HCFC2: variants seen among roughly 807,000 people sequenced by gnomAD.
The protein encoded by HCFC2 is host cell factor 2.
In HCFC2, 18 loss-of-function variants were observed where a neutral mutation model predicts 89.2. The ratio of observed to expected loss-of-function variants is 0.20; its 90% confidence interval spans 0.14 to 0.30. The LOEUF is 0.30. Ranked by LOEUF, HCFC2 falls within the 10% of genes least tolerant of loss-of-function variation. The pLI is 1.00. For synonymous variants in HCFC2, 308 were observed against 335.7 expected, an observed-to-expected ratio of 0.92 and a Z score of 0.90; for missense variants, 578 against 956.1, an observed-to-expected ratio of 0.60 and a Z score of 5.21.
rs900334880 is a variant in HCFC2 at position 104,089,460 on chromosome 12, G to A, written c.1284+1422G>A. Reference sequence around the variant, plus strand: ...GAACCCAAGAGACGGAGCTTGTAGTGAGCCGAGATTGTGCCACTGCACTCC... The same window carrying A: ...GAACCCAAGAGACGGAGCTTGTAGTAAGCCGAGATTGTGCCACTGCACTCC... On this transcript the variant is annotated intron_variant, in intron 9 of 14. Coordinates refer to ENST00000229330, the MANE Select transcript of HCFC2 (RefSeq NM_013320.3). Among the ~76,000 whole-genome samples, 99 of 152,182 alleles carry A rather than the reference G, an allele frequency of 6.5e-4. 1 individual carries two copies. The highest frequency in any genetic ancestry group is 2.3e-3 in the African/African-American group (95 of 41,444).
At chr12:104,075,146 G>A (rs1309432069) in intron 3 of HCFC2, among the ~76,000 whole-genome samples, 5 of 151,522 alleles carry the variant, frequency 3.3e-5, no homozygotes, top group African/African-American at 1.2e-4. Flanking sequence ...TCTGAACCCA[G>A]GAGTTTAAAT....
intron 8 of HCFC2, among the ~76,000 whole-genome samples, chr12:104,087,352 TAAAAA>T (rs67436445): frequency 7.7e-6 from 1 of 129,078 alleles, no homozygotes; most frequent in Non-Finnish European, 1.6e-5. Flanking sequence ...GACTCTGTCT[TAAAAA>T]AAAAAAAAAA....
intron 12 of HCFC2, chr12:104,097,666 CATTT>C: frequency 2.0e-6 from 2 of 980,670 alleles, no homozygotes; most frequent in Non-Finnish European, 2.4e-6. Context: ...AACAGTGTCT[CATTT>C]ATAAGAAGAT....
rs757618662 is a variant in HCFC2, at chr12:104,103,307, A to T, written c.*34A>T. ...TTTTACTGAAGCTATTGTGATGATGATTATTTATTAGTAACTGGTTATGAA... is the reference window on the plus strand; with the variant it reads ...TTTTACTGAAGCTATTGTGATGATGTTTATTTATTAGTAACTGGTTATGAA... On this transcript the variant is annotated 3_prime_UTR_variant, in exon 15 of 15. Transcript: ENST00000229330. 2.7e-6 allele frequency: 4 copies of T among 1,501,984 alleles called. No homozygotes were observed. The South Asian group carries it at 3.6e-5, about 14-fold the overall frequency. The allele number at this position is 1,501,984 out of a possible 1,614,324, so 93.0% of individuals were successfully genotyped here.
At position 104,093,452 on chromosome 12, in the gene HCFC2, A is replaced by C. The variant is rs767727994; in HGVS notation, c.1351A>C (p.Lys451Gln). Residue 451 changes from lysine (K) to glutamine (Q), a missense_variant, in exon 10 of 15, where the codon AAA becomes CAA. Lys to Gln is a moderately conservative substitution (Grantham distance 53). Transcript: ENST00000229330. ...CACAAAAGAAACTTCAATGAAAAAC[A>C]AACCAGACTTTAAAGCACTGACGGA... The part of the protein sequence containing the change: ...PATKETSMKN[K>Q]PDFKALTDSN... 6 of 1,613,424 alleles carry C rather than the reference A, an allele frequency of 3.7e-6. No individual in the cohort carries two copies. Among genetic ancestry groups the C allele is most frequent in the Non-Finnish European group, 1.7e-6 (2 of 1,179,674 alleles).
chr12:104,079,699 A>T, intron 4 of HCFC2, 46 bp downstream of exon 4: 1 of 1,415,704 alleles, frequency 7.1e-7, no homozygotes, highest in Non-Finnish European at 9.9e-7. Context: ...AAATTAAAAA[A>T]TGCTTTGAAA....
At chr12:104,087,764 G>A (rs2136617194) in intron 8 of HCFC2, among the ~76,000 whole-genome samples, 1 of 152,070 alleles carries the variant, frequency 6.6e-6, no homozygotes, top group South Asian at 2.1e-4. Context: ...TTTTTCAAAA[G>A]TATTTTTAAC....
At chr12:104,096,949 A>C (rs546806611) in intron 12 of HCFC2, among the ~76,000 whole-genome samples, 5 of 152,258 alleles carry the variant, frequency 3.3e-5, no homozygotes, top group African/African-American at 9.6e-5. Flanking sequence ...ATATTGCAAT[A>C]GTGGATTGAC....
chr12:104,092,909 G>A (rs1884063088), intron 9 of HCFC2, among the ~76,000 whole-genome samples: 1 of 152,176 alleles, frequency 6.6e-6, no homozygotes, highest in Non-Finnish European at 1.5e-5. Context: ...ATAATGATAT[G>A]TATATGTATG....
At chr12:104,082,113 T>A (rs1883704808) in intron 5 of HCFC2, among the ~76,000 whole-genome samples, 1 of 152,190 alleles carries the variant, frequency 6.6e-6, no homozygotes, top group African/African-American at 2.4e-5. Flanking sequence ...TATATGAAAT[T>A]TAATCCTCTT....
chr12:104,066,264 T>G lies in HCFC2; in HGVS notation c.261T>G (p.Phe87Leu), dbSNP rs1449144616. The G allele has an allele frequency of 6.2e-7, 1 of 1,611,270 alleles. No homozygotes were observed. The highest frequency in any genetic ancestry group is 1.1e-5 in the South Asian group (1 of 90,574). Reference sequence around the variant, plus strand: ...GTGATGGTACCAGAATATTAGTATTTGGGGGAATGGTTGAATATGGAAGAT... The same window carrying G: ...GTGATGGTACCAGAATATTAGTATTGGGGGGAATGGTTGAATATGGAAGAT... ...FVCDGTRILV[F>L]GGMVEYGRYS... Residue 87 changes from phenylalanine to leucine, a missense_variant, in exon 2 of 15, where the codon TTT (phenylalanine) becomes TTG (leucine). Transcript: ENST00000229330.
At chr12:104,080,363 A>G (rs1883649144) in intron 4 of HCFC2, 1 of 162,720 alleles carries the variant, frequency 6.1e-6, no homozygotes, top group Non-Finnish European at 1.3e-5. Flanking sequence ...AGTCATCTCC[A>G]TTTGAGATTA....
rs753443170 is a variant in HCFC2 at position 104,096,456 on chromosome 12, A to T, written c.1740+23A>T. 9.1e-6 allele frequency: 14 copies of T among 1,534,208 alleles called. No individual in the cohort carries two copies. In the Admixed American group the frequency reaches 2.4e-4, roughly 26 times the overall value. On this transcript the variant is annotated intron_variant, in intron 12 of 14. Transcript: ENST00000229330. ...TCTGTAAGTACATGACCTGGTGATG[A>T]TGCATGTTTACACATGATTATGTAC...
intron 3 of HCFC2, among the ~76,000 whole-genome samples, chr12:104,076,896 C>T (rs1396347675): frequency 2.6e-5 from 4 of 152,216 alleles, no homozygotes. Context: ...CGTTGCCTTT[C>T]CTCCCTTTTC....
rs2030086450 is a variant in HCFC2 at position 104,106,427 on chromosome 12, C to A, written c.*3154C>A. The A allele has an allele frequency of 1.3e-5, 2 of 152,044 alleles. No individual in the cohort carries two copies. Among genetic ancestry groups the A allele is most frequent in the Non-Finnish European group, 2.9e-5 (2 of 67,988 alleles). The allele number at this position is 152,044 out of a possible 1,614,324, so 9.4% of individuals were successfully genotyped here. On this transcript the variant is annotated 3_prime_UTR_variant, in exon 15 of 15. Coordinates refer to ENST00000229330, the MANE Select transcript of HCFC2 (RefSeq NM_013320.3). ...TGGTCTTTGACCCTTTAAGGTGTAA[C>A]TGACTGACTGTTGTGTTTTTCAAGA...
In HCFC2 at chr12:104,105,958, C is replaced by T. The variant is rs1218276470; in HGVS notation, c.*2685C>T. The T allele has an allele frequency of 1.3e-5, 2 of 152,024 alleles. No homozygotes were observed. Among genetic ancestry groups the T allele is most frequent in the Non-Finnish European group, 2.9e-5 (2 of 67,940 alleles). The allele number at this position is 152,024 out of a possible 1,614,324, so 9.4% of individuals were successfully genotyped here. A position where few individuals can be genotyped will look rare whatever the true frequency, so the allele number is the denominator to read the frequency against. On this transcript the variant is annotated 3_prime_UTR_variant, in exon 15 of 15. Transcript: ENST00000229330. ...TTCTGTGTTCTGCAACTCTGGCTCT[C>T]ATAAGTAGTAAAAATATTTTTGATG...
chr12:104,080,779 G>A lies in HCFC2; in HGVS notation c.716G>A (p.Gly239Glu). ...TMSWSKPETK[G>E]TVPLPRSLHT... ...TCATGGTCAAAACCAGAAACTAAAGGGACAGTGCCACTTCCACGAAGCCTT... is the reference window on the plus strand; with the variant it reads ...TCATGGTCAAAACCAGAAACTAAAGAGACAGTGCCACTTCCACGAAGCCTT... The change falls in exon 5 of 15, where the codon GGG becomes GAG. Residue 239 changes from glycine to glutamate, a missense_variant. By Grantham distance (98) the Gly-to-Glu change is moderately conservative (BLOSUM62 -2). Around this residue, in one of 4 missense-constraint regions of HCFC2, gnomAD observed 206 missense variants for 419.2 expected, o/e 0.49. Coordinates refer to ENST00000229330, the MANE Select transcript of HCFC2 (RefSeq NM_013320.3). The A allele has an allele frequency of 6.2e-7, 1 of 1,609,124 alleles. No individual in the cohort carries two copies. The highest frequency in any genetic ancestry group is 8.5e-7 in the Non-Finnish European group (1 of 1,177,908).
chr12:104,100,841 G>C (rs1013962102), intron 13 of HCFC2, among the ~76,000 whole-genome samples: 2 of 152,086 alleles, frequency 1.3e-5, no homozygotes, highest in Admixed American at 1.3e-4. Context: ...ATAAAGACGT[G>C]TCTGTGTCTA....
In HCFC2 at chr12:104,065,401, G is replaced by A. The variant is rs987137632; in HGVS notation, c.163+678G>A. ...CCCTGGGCAGGGAGCCCCTATCTTT[G>A]AGGACCTCTGTGGAATAGAAAGGAA... is the stretch of plus-strand genomic sequence containing the variant. On this transcript the variant is annotated intron_variant, in intron 1 of 14. Coordinates refer to ENST00000229330, the MANE Select transcript of HCFC2 (RefSeq NM_013320.3). 2.0e-5 allele frequency among the ~76,000 whole-genome samples: 3 copies of A among 152,372 alleles called. No homozygotes were observed. The East Asian group carries it at 5.8e-4, about 29-fold the overall frequency.
Sources: gnomAD v4.1 joint callset for allele counts (sites outside exome capture counted in the v4.1 genomes callset) on GRCh38, gnomAD v4.1.1 for gene constraint, gnomAD v4.1.1 regional missense constraint, MANE v1.5 for transcripts, NCBI Gene and HGNC (gene_info 2026-07-23, HGNC 2026-07-21) for gene names.